TTC7B: variants seen among roughly 807,000 people sequenced by gnomAD.
TTC7B encodes the protein tetratricopeptide repeat protein 7B.
A neutral mutation model predicts 106.8 loss-of-function variants in TTC7B; 28 were observed. The observed-to-expected ratio is 0.26, with a 90% CI of 0.19 to 0.36. The LOEUF (loss-of-function observed/expected upper bound fraction) is 0.36, where lower values mean the gene tolerates loss of function less well. Ranked by LOEUF, TTC7B falls within the 10% of genes least tolerant of loss-of-function variation. The pLI is 1.00. For missense variants in TTC7B, 862 were observed against 1,076.4 expected, an observed-to-expected ratio of 0.80 and a Z score of 2.79; for synonymous variants, 405 against 430.6, an observed-to-expected ratio of 0.94 and a Z score of 0.74.
rs540098372 is a variant in TTC7B, at chr14:90,671,774, C to T, written c.1152+4749G>A. 1.5e-3 allele frequency among the ~76,000 whole-genome samples: 229 copies of T among 152,332 alleles called. 3 individuals carry two copies. The highest frequency in any genetic ancestry group is 5.1e-3 in the African/African-American group (210 of 41,570). ...GTCTGTGTCTCCTTTGTACAATGCT[C>T]TTTGGCCAGCATCTGGCTGAAAAGT... is the stretch of plus-strand genomic sequence containing the variant. On this transcript the variant is annotated intron_variant, in intron 9 of 19. Transcript: ENST00000328459.
At chr14:90,664,854 A>G (rs1489495813) in intron 9 of TTC7B, among the ~76,000 whole-genome samples, 1 of 152,244 alleles carries the variant, frequency 6.6e-6, no homozygotes, top group African/African-American at 2.4e-5. Flanking sequence ...AGAGTGGCCC[A>G]CAATGAAGGC....
At chr14:90,660,417 A>AAAAAAAAAAAAGAAAAG (rs1555386791) in intron 9 of TTC7B, among the ~76,000 whole-genome samples, 1 of 119,430 alleles carries the variant, frequency 8.4e-6, no homozygotes, top group African/African-American at 3.7e-5. Flanking sequence ...AAAAAAAAAA[A>AAAAAAAAAAAAGAAAAG]AAAAGAAAAG....
intron 1 of TTC7B, among the ~76,000 whole-genome samples, chr14:90,806,095 T>C (rs1051647282): frequency 5.9e-5 from 9 of 152,252 alleles, no homozygotes; most frequent in African/African-American, 2.2e-4. Context: ...GCACCAACTG[T>C]ATGCCAGACA....
chr14:90,769,521 TCAGG>T (rs2140024845), intron 3 of TTC7B, among the ~76,000 whole-genome samples: 1 of 152,330 alleles, frequency 6.6e-6, no homozygotes, highest in African/African-American at 2.4e-5. Flanking sequence ...ATCCTAGCAC[TCAGG>T]GAGGCTGAGG....
At chr14:90,766,276 T>C (rs866759698) in intron 3 of TTC7B, among the ~76,000 whole-genome samples, 7 of 149,944 alleles carry the variant, frequency 4.7e-5, no homozygotes, top group African/African-American at 1.5e-4. Flanking sequence ...CACACAAAAA[T>C]GGAAAGAGCA....
At chr14:90,707,830 A>C (rs1888272342) in intron 5 of TTC7B, among the ~76,000 whole-genome samples, 1 of 152,174 alleles carries the variant, frequency 6.6e-6, no homozygotes, top group Non-Finnish European at 1.5e-5. Flanking sequence ...AGGTTGAAGG[A>C]AAGAAGCTGT....
intron 16 of TTC7B, among the ~76,000 whole-genome samples, chr14:90,617,067 G>A (rs1009456858): frequency 1.3e-5 from 2 of 152,210 alleles, no homozygotes; most frequent in African/African-American, 2.4e-5. Context: ...GTGTCTGTCC[G>A]TGGAATGCTG....
chr14:90,733,257 G>C (rs532654620), intron 4 of TTC7B, among the ~76,000 whole-genome samples: 1 of 151,608 alleles, frequency 6.6e-6, no homozygotes, highest in Admixed American at 6.6e-5. Flanking sequence ...CTCTTTACCA[G>C]AGGGGAAGCG....
intron 5 of TTC7B, among the ~76,000 whole-genome samples, chr14:90,723,534 T>C (rs1055288887): frequency 5.9e-5 from 9 of 152,146 alleles, no homozygotes; most frequent in African/African-American, 2.2e-4. Context: ...TCTTGAACAC[T>C]CCAAGCTCTT....
chr14:90,750,942 A>G (rs1890115324), intron 3 of TTC7B, among the ~76,000 whole-genome samples: 1 of 152,234 alleles, frequency 6.6e-6, no homozygotes, highest in South Asian at 2.1e-4. Context: ...TAAATTTTCG[A>G]GTGTCCAGGA....
chr14:90,596,439 C>T (rs1187014181), intron 17 of TTC7B, among the ~76,000 whole-genome samples: 5 of 152,242 alleles, frequency 3.3e-5, no homozygotes, highest in South Asian at 2.1e-4. Flanking sequence ...ATGATGATGG[C>T]GATGATGATG....
chr14:90,714,602 G>A (rs763264418), intron 5 of TTC7B, among the ~76,000 whole-genome samples: 5 of 151,786 alleles, frequency 3.3e-5, no homozygotes, highest in African/African-American at 7.3e-5. Context: ...GATTACAGGC[G>A]GCTGTCACCA....
At chr14:90,686,739 AG>A (rs888968872) in intron 7 of TTC7B, among the ~76,000 whole-genome samples, 1 of 152,252 alleles carries the variant, frequency 6.6e-6, no homozygotes, top group Non-Finnish European at 1.5e-5. Context: ...AGCATCAAAA[AG>A]AATAATGCAT....
chr14:90,769,974 C>A (rs1031762742), intron 3 of TTC7B, among the ~76,000 whole-genome samples: 3 of 151,568 alleles, frequency 2.0e-5, no homozygotes, highest in African/African-American at 7.3e-5. Flanking sequence ...CATAGTGAGA[C>A]CCCATCTCTA....
At chr14:90,661,677 C>T (rs1471768960) in intron 9 of TTC7B, among the ~76,000 whole-genome samples, 1 of 152,126 alleles carries the variant, frequency 6.6e-6, no homozygotes, top group Non-Finnish European at 1.5e-5. Context: ...CAATACATTG[C>T]AATAACACCA....
chr14:90,678,584 A>G (rs554128142), intron 8 of TTC7B, among the ~76,000 whole-genome samples: 16 of 152,242 alleles, frequency 1.1e-4, no homozygotes, highest in Non-Finnish European at 2.2e-4. Flanking sequence ...TTTTGGTTAG[A>G]AACCTCATCC....
intron 5 of TTC7B, among the ~76,000 whole-genome samples, chr14:90,720,271 T>C (rs1188546577): frequency 6.6e-6 from 1 of 152,184 alleles, no homozygotes; most frequent in Admixed American, 6.5e-5. Context: ...CAATTGTAGG[T>C]TAATTTCATT....
intron 9 of TTC7B, among the ~76,000 whole-genome samples, chr14:90,673,504 A>G (rs1886711100): frequency 6.6e-6 from 1 of 152,262 alleles, no homozygotes; most frequent in South Asian, 2.1e-4. Context: ...CCTGTGTCTC[A>G]GAAAGATCGC....
intron 19 of TTC7B, among the ~76,000 whole-genome samples, chr14:90,561,237 G>A (rs1473136268): frequency 1.3e-5 from 2 of 152,236 alleles, no homozygotes; most frequent in Admixed American, 6.5e-5. Flanking sequence ...GGGCTGGGCC[G>A]GCAGCTTCTG....
Sources: allele counts gnomAD v4.1 joint callset (sites outside exome capture counted in the v4.1 genomes callset), GRCh38; gene constraint gnomAD v4.1.1; transcripts MANE v1.5; gene names NCBI Gene and HGNC (gene_info 2026-07-23, HGNC 2026-07-21).